The following NIPSNAP2 variants were observed in gnomAD, a reference collection of about 807,000 sequenced individuals.
NIPSNAP2 encodes nipsnap homolog 2.
A neutral mutation model predicts 48.4 loss-of-function variants in NIPSNAP2; 42 were observed. The observed-to-expected ratio is 0.87, with a 90% CI of 0.68 to 1.12. The LOEUF is 1.12. Among genes scored for constraint, NIPSNAP2 ranks in the 50% most tolerant of loss-of-function variants. The probability of loss-of-function intolerance (pLI) is 0.00; values close to 1 mark genes in which losing one functional copy is unlikely to be tolerated. For missense variants in NIPSNAP2, 314 were observed against 347.3 expected (o/e 0.90, Z 0.76); for synonymous variants, 158 against 126.6 (o/e 1.25, Z -1.67).
chr7:55,997,718 T>G (rs1344397659), intron 9 of NIPSNAP2, among the ~76,000 whole-genome samples: 1 of 152,222 alleles, frequency 6.6e-6, no homozygotes. Flanking sequence ...CATTACCTGT[T>G]TTTGTAGATT....
rs79297820 is a variant in NIPSNAP2, at chr7:55,969,862, A to G, written c.92+5161A>G. On this transcript the variant is annotated intron_variant, in intron 1 of 9. Transcript: ENST00000322090. ...GCCGGGCGTGGTGGTGGGCGCCTGT[A>G]GTCCCAGCTACTCAGGAGGCTGAGG... Among the ~76,000 whole-genome samples, 561 of 151,898 alleles carry G rather than the reference A, an allele frequency of 3.7e-3. 12 individuals are homozygous for G. The East Asian group carries it at 0.051, about 14-fold the overall frequency.
chr7:55,973,441 G>A (rs532658274), intron 1 of NIPSNAP2, among the ~76,000 whole-genome samples: 3 of 151,666 alleles, frequency 2.0e-5, no homozygotes, highest in African/African-American at 7.2e-5. Context: ...TATTTATAGA[G>A]CACATTTTAT....
In NIPSNAP2 at chr7:55,986,983, T is replaced by TAAAAAAAAA. The variant is rs71561981; in HGVS notation, c.617+2124_617+2132dup. Among the ~76,000 whole-genome samples, 4 of 54,798 alleles carry TAAAAAAAAA rather than the reference T, an allele frequency of 7.3e-5. 1 individual carries two copies. Among genetic ancestry groups the TAAAAAAAAA allele is most frequent in the Non-Finnish European group, 1.3e-4 (4 of 30,818 alleles). The allele number at this position is 54,798 out of a possible 152,430, so 35.9% of individuals were successfully genotyped here. Reference sequence around the variant, plus strand: ...GCAACATGGTGAAACCCTGTCTCTATAAAAAAAAAAAAAAAAAAAAAAAAA... The same window carrying TAAAAAAAAA: ...GCAACATGGTGAAACCCTGTCTCTATAAAAAAAAAAAAAAAAAAAAAAAAAAAAAAAAAA... On this transcript the variant is annotated intron_variant, in intron 7 of 9. Coordinates refer to ENST00000322090, the MANE Select transcript of NIPSNAP2 (RefSeq NM_001483.3).
chr7:55,985,320 C>A (rs1004419543), intron 7 of NIPSNAP2, among the ~76,000 whole-genome samples: 19 of 152,012 alleles, frequency 1.2e-4, no homozygotes, highest in African/African-American at 4.6e-4. Context: ...ATATACACAC[C>A]ATGTCAATAA....
chr7:55,979,048 T>A (rs4255090), intron 3 of NIPSNAP2: 53,119 of 152,114 alleles, frequency 0.35, 9,208 homozygotes, highest in South Asian at 0.38. Context: ...TTTTTAGTTT[T>A]GTTTTGTTTT....
At chr7:55,996,754 G>A (rs1407606858) in intron 8 of NIPSNAP2, among the ~76,000 whole-genome samples, 1 of 152,228 alleles carries the variant, frequency 6.6e-6, no homozygotes, top group Non-Finnish European at 1.5e-5. Context: ...GTGTCTGGAT[G>A]TGGTGGCTCA....
chr7:55,977,338 C>T (rs1787124845), intron 1 of NIPSNAP2, among the ~76,000 whole-genome samples: 2 of 152,096 alleles, frequency 1.3e-5, no homozygotes, highest in African/African-American at 4.8e-5. Context: ...TTGCAGTGAG[C>T]CCAGATCGTG....
At chr7:55,989,109 C>G (rs1787392033) in intron 7 of NIPSNAP2, among the ~76,000 whole-genome samples, 1 of 152,136 alleles carries the variant, frequency 6.6e-6, no homozygotes, top group African/African-American at 2.4e-5. Context: ...CCTAAATGCC[C>G]ATCAGCAGAG....
intron 3 of NIPSNAP2, chr7:55,978,802 G>T: frequency 6.1e-6 from 1 of 165,162 alleles, no homozygotes; most frequent in Non-Finnish European, 1.3e-5. Context: ...ATTCCCCTAA[G>T]TAAAACTGCC....
At position 55,978,162 on chromosome 7, in the gene NIPSNAP2, C is replaced by G; in HGVS notation, c.129C>G (p.Asp43Glu). 1.2e-6 allele frequency: 2 copies of G among 1,614,178 alleles called. No homozygotes were observed. Among genetic ancestry groups the G allele is most frequent in the Middle Eastern group, 1.6e-4 (1 of 6,062 alleles). Reference protein sequence around the residue: ...WTSSSNRSREDSWLKSLFVRK... With the variant: ...WTSSSNRSREESWLKSLFVRK... ...CTTCCAGCAACAGATCTCGAGAAGACAGCTGGCTAAAATCCTTATTTGTCC... is the reference window on the plus strand; with the variant it reads ...CTTCCAGCAACAGATCTCGAGAAGAGAGCTGGCTAAAATCCTTATTTGTCC... Residue 43 changes from aspartate to glutamate, a missense_variant, in exon 2 of 10, where the codon GAC becomes GAG. By Grantham distance (45) the Asp-to-Glu change is conservative. Transcript: ENST00000322090.
chr7:55,992,641 C>T (rs1191333643), intron 7 of NIPSNAP2, among the ~76,000 whole-genome samples: 3 of 152,176 alleles, frequency 2.0e-5, no homozygotes, highest in Non-Finnish European at 4.4e-5. Context: ...TTGAGAGTGA[C>T]ATCTTTCACT....
At position 55,996,026 on chromosome 7, in the gene NIPSNAP2, G is replaced by A. The variant is rs146826399; in HGVS notation, c.712+1038G>A. 2.2e-3 allele frequency among the ~76,000 whole-genome samples: 342 copies of A among 152,192 alleles called. 1 individual carries two copies. Among genetic ancestry groups the A allele is most frequent in the Middle Eastern group, 6.8e-3 (2 of 294 alleles). On this transcript the variant is annotated intron_variant, in intron 8 of 9. Transcript: ENST00000322090. Reference sequence around the variant, plus strand: ...ATATTGGCTGGGCACAGTGGTTCACGCCTATAATCCCAGCACTTTGGGAGG... The same window carrying A: ...ATATTGGCTGGGCACAGTGGTTCACACCTATAATCCCAGCACTTTGGGAGG...
chr7:55,977,033 A>G (rs1787120600), intron 1 of NIPSNAP2, among the ~76,000 whole-genome samples: 1 of 152,206 alleles, frequency 6.6e-6, no homozygotes, highest in African/African-American at 2.4e-5. Context: ...TAAAGTTGGT[A>G]TTCTGAGGTT....
intron 3 of NIPSNAP2, chr7:55,980,032 C>G: frequency 8.9e-6 from 3 of 335,480 alleles, no homozygotes; most frequent in South Asian, 4.8e-5. Context: ...GTGTACTGGG[C>G]TTCCTCCTGG....
At position 55,978,384 on chromosome 7, in the gene NIPSNAP2, C is replaced by A. The variant is rs765376797; in HGVS notation, c.267C>A (p.Tyr89Ter). ...TTAAACCGGAATGCCTAGAAGCATA[C>A]AACAAAATTTGGTGTGTATACCAAA... ...HNVKPECLEA[Y>*]NKICQEVLPK... The change falls in exon 3 of 10, where the codon TAC (tyrosine) becomes TAA (stop). Residue 89 changes from tyrosine (Y) to a stop codon, truncating the protein, a stop_gained. Transcript: ENST00000322090. LOFTEE classifies it high-confidence loss of function. The A allele has an allele frequency of 3.4e-5, 54 of 1,611,574 alleles. No individual in the cohort carries two copies. The highest frequency in any genetic ancestry group is 4.4e-5 in the Non-Finnish European group (52 of 1,179,150).
intron 7 of NIPSNAP2, among the ~76,000 whole-genome samples, chr7:55,994,099 GTGTGCTTCCTTCACC>G (rs1332911801): frequency 6.6e-6 from 1 of 152,132 alleles, no homozygotes; most frequent in Admixed American, 6.5e-5. Context: ...TGCTTTGAAG[GTGTGCTTCCTTCACC>G]TGTGTTTTAA....
intron 1 of NIPSNAP2, among the ~76,000 whole-genome samples, chr7:55,968,481 G>C (rs1177904985): frequency 3.3e-5 from 5 of 151,746 alleles, no homozygotes; most frequent in African/African-American, 1.2e-4. Context: ...TGCCTCCCGG[G>C]TTCAAGTGAT....
chr7:55,978,426 G>A (rs1787147404), intron 3 of NIPSNAP2, 31 bp downstream of exon 3: 2 of 1,559,088 alleles, frequency 1.3e-6, no homozygotes, highest in Admixed American at 3.7e-5. Flanking sequence ...TTTACTTGGG[G>A]AAAAATAATG....
intron 6 of NIPSNAP2, among the ~76,000 whole-genome samples, chr7:55,984,216 T>C (rs1031423464): frequency 6.6e-6 from 1 of 152,108 alleles, no homozygotes; most frequent in Non-Finnish European, 1.5e-5. Flanking sequence ...TTATATAACA[T>C]GATAAGAGTA....
Sources: allele counts gnomAD v4.1 joint callset (sites outside exome capture counted in the v4.1 genomes callset), GRCh38; gene constraint gnomAD v4.1.1; transcripts MANE v1.5; gene names NCBI Gene and HGNC (gene_info 2026-07-23, HGNC 2026-07-21).